TEAD1: variants seen among roughly 807,000 people sequenced by gnomAD.
TEAD1 encodes the protein TEA domain transcription factor 1, also known as transcriptional enhancer factor TEF-1.
In TEAD1, 9 loss-of-function variants were observed where a neutral mutation model predicts 54.9. The observed-to-expected ratio is 0.16, with a 90% CI of 0.10 to 0.29. The LOEUF is 0.29. Among genes scored for constraint, TEAD1 ranks in the 10% least tolerant of loss-of-function variants. The pLI is 1.00. For missense variants in TEAD1, 387 were observed against 535.9 expected, an observed-to-expected ratio of 0.72 and a Z score of 2.74; for synonymous variants, 200 against 187.8, an observed-to-expected ratio of 1.07 and a Z score of -0.53.
At chr11:12,891,335 G>A (rs887629302) in intron 9 of TEAD1, among the ~76,000 whole-genome samples, 6 of 152,248 alleles carry the variant, frequency 3.9e-5, no homozygotes, top group African/African-American at 1.4e-4. Context: ...GAACACGATG[G>A]CTGCATCAGG....
intron 3 of TEAD1, among the ~76,000 whole-genome samples, chr11:12,816,997 C>T (rs868174288): frequency 2.6e-5 from 4 of 152,138 alleles, no homozygotes; most frequent in African/African-American, 7.2e-5. Context: ...CCCTCAAAGC[C>T]GAGGCGAGGT....
chr11:12,723,433 A>C (rs1477651136), intron 2 of TEAD1, among the ~76,000 whole-genome samples: 2 of 152,214 alleles, frequency 1.3e-5, no homozygotes, highest in Non-Finnish European at 2.9e-5. Flanking sequence ...AAACAAACCA[A>C]ACTAACAAAA....
chr11:12,732,898 A>G (rs973631377), intron 2 of TEAD1, among the ~76,000 whole-genome samples: 6 of 152,088 alleles, frequency 3.9e-5, no homozygotes, highest in African/African-American at 1.4e-4. Flanking sequence ...TTTTCTTTTT[A>G]CATTATTGAG....
At chr11:12,812,983 G>C (rs1468877915) in intron 3 of TEAD1, among the ~76,000 whole-genome samples, 1 of 152,246 alleles carries the variant, frequency 6.6e-6, no homozygotes, top group Non-Finnish European at 1.5e-5. Flanking sequence ...AGTGACTGTC[G>C]TGTCTGTCTG....
In TEAD1 at chr11:12,796,525, A is replaced by T. The variant is rs182174799; in HGVS notation, c.202+32091A>T. On this transcript the variant is annotated intron_variant, in intron 3 of 12. Coordinates refer to ENST00000527636, the MANE Select transcript of TEAD1 (RefSeq NM_021961.6). Reference sequence around the variant, plus strand: ...CGGATCACTTGAGTTTAGGAGTTTGAGACCAGCCTGGGCAATGTGGTGAAA... The same window carrying T: ...CGGATCACTTGAGTTTAGGAGTTTGTGACCAGCCTGGGCAATGTGGTGAAA... Among the ~76,000 whole-genome samples, 5 of 151,610 alleles carry T rather than the reference A, an allele frequency of 3.3e-5. No individual in the cohort carries two copies. In the South Asian group the frequency reaches 6.3e-4, roughly 19 times the overall value.
intron 2 of TEAD1, among the ~76,000 whole-genome samples, chr11:12,755,021 C>T (rs914513084): frequency 4.6e-5 from 7 of 152,296 alleles, no homozygotes; most frequent in African/African-American, 9.6e-5. Context: ...CCAAGGGGGC[C>T]GCATCTGGGC....
intron 3 of TEAD1, among the ~76,000 whole-genome samples, chr11:12,825,743 T>C (rs556229403): frequency 2.2e-4 from 33 of 152,228 alleles, no homozygotes; most frequent in Non-Finnish European, 4.3e-4. Flanking sequence ...CTTATATTTC[T>C]TAGTTTCAAA....
intron 3 of TEAD1, among the ~76,000 whole-genome samples, chr11:12,787,102 T>C (rs1383343778): frequency 6.6e-6 from 1 of 152,078 alleles, no homozygotes; most frequent in Non-Finnish European, 1.5e-5. Context: ...GTGATCTGAT[T>C]AGGTTTTGAA....
At chr11:12,685,194 G>A (rs1943307915) in intron 2 of TEAD1, among the ~76,000 whole-genome samples, 2 of 152,180 alleles carry the variant, frequency 1.3e-5, no homozygotes, top group African/African-American at 4.8e-5. Flanking sequence ...GCAGTGTATA[G>A]ACATGTGTGC....
chr11:12,857,578 C>CTGTGTGTG (rs10694132), intron 3 of TEAD1, among the ~76,000 whole-genome samples: 17,218 of 145,734 alleles, frequency 0.12, 1,109 homozygotes, highest in South Asian at 0.15. Flanking sequence ...CTCTCTGTCT[C>CTGTGTGTG]TGTGTGTGTG....
chr11:12,714,688 G>C (rs1457838443), intron 2 of TEAD1, among the ~76,000 whole-genome samples: 1 of 152,192 alleles, frequency 6.6e-6, no homozygotes, highest in African/African-American at 2.4e-5. Context: ...AGCAACAGAA[G>C]TGTATTTGCT....
intron 3 of TEAD1, among the ~76,000 whole-genome samples, chr11:12,818,172 G>A (rs1946455801): frequency 6.6e-6 from 1 of 152,158 alleles, no homozygotes; most frequent in African/African-American, 2.4e-5. Flanking sequence ...TTGAGAGAAT[G>A]GAATTGCATG....
chr11:12,930,105 C>T (rs1948987764), intron 11 of TEAD1, 69 bp from the exon 12 acceptor site: 2 of 1,578,106 alleles, frequency 1.3e-6, no homozygotes, highest in African/African-American at 2.7e-5. Context: ...CTTTTATGGG[C>T]AGTAATATCT....
intron 2 of TEAD1, among the ~76,000 whole-genome samples, chr11:12,709,887 C>G (rs1026442206): frequency 2.0e-5 from 3 of 151,998 alleles, no homozygotes; most frequent in Admixed American, 2.0e-4. Flanking sequence ...TCTTTTAGTT[C>G]TTTGACTTAC....
At chr11:12,851,264 A>G (rs1042318292) in intron 3 of TEAD1, among the ~76,000 whole-genome samples, 2 of 152,218 alleles carry the variant, frequency 1.3e-5, no homozygotes, top group Non-Finnish European at 2.9e-5. Flanking sequence ...ACGGATATGT[A>G]GGTCAAAAGA....
chr11:12,750,229 G>C (rs186278321), intron 2 of TEAD1, among the ~76,000 whole-genome samples: 3 of 152,160 alleles, frequency 2.0e-5, no homozygotes, highest in African/African-American at 7.2e-5. Context: ...TGTTGGGCTC[G>C]AGTGTGACCC....
At chr11:12,716,669 C>T (rs1268270814) in intron 2 of TEAD1, among the ~76,000 whole-genome samples, 1 of 152,188 alleles carries the variant, frequency 6.6e-6, no homozygotes, top group African/African-American at 2.4e-5. Context: ...ACATGAAAAC[C>T]AGTGGATGTG....
intron 10 of TEAD1, among the ~76,000 whole-genome samples, chr11:12,923,453 T>G (rs1948850113): frequency 6.6e-6 from 1 of 152,174 alleles, no homozygotes; most frequent in South Asian, 2.1e-4. Context: ...TTCCGTGTGG[T>G]ATGTTCCTCA....
intron 9 of TEAD1, among the ~76,000 whole-genome samples, chr11:12,897,853 C>T (rs919815595): frequency 1.3e-5 from 2 of 152,042 alleles, no homozygotes; most frequent in East Asian, 3.9e-4. Context: ...GTTGGTTTAA[C>T]GGTGTTAGAA....
Sources: allele counts gnomAD v4.1 joint callset (sites outside exome capture counted in the v4.1 genomes callset), GRCh38; gene constraint gnomAD v4.1.1; transcripts MANE v1.5; gene names NCBI Gene and HGNC (gene_info 2026-07-23, HGNC 2026-07-21).